LOC400499: variants seen among roughly 807,000 people sequenced by gnomAD.
At chr16:11,509,781 A>G in the LOC400499 span, among the ~76,000 whole-genome samples, 8 of 152,110 alleles carry the variant, frequency 5.3e-5, no homozygotes, top group Non-Finnish European at 7.4e-5. Flanking sequence ...CAGTGAGCTG[A>G]GATCACTCCA....
chr16:11,424,990 C>T, the LOC400499 span: 978 of 397,534 alleles, frequency 2.5e-3, 10 homozygotes, highest in African/African-American at 0.018. Context: ...ACAGGTGTGC[C>T]GGGGAAGCCA....
At chr16:11,473,867 C>A in the LOC400499 span, among the ~76,000 whole-genome samples, 2 of 152,150 alleles carry the variant, frequency 1.3e-5, no homozygotes, top group African/African-American at 4.8e-5. Flanking sequence ...ACCTAGATAG[C>A]TAGCTAGAGA....
At chr16:11,488,719 G>C in the LOC400499 span, 1 of 398,854 alleles carries the variant, frequency 2.5e-6, no homozygotes, top group South Asian at 1.3e-4. Context: ...CTGATCGGAA[G>C]GTGACATCAG....
the LOC400499 span, among the ~76,000 whole-genome samples, chr16:11,498,374 C>T: frequency 7.2e-5 from 11 of 151,970 alleles, no homozygotes; most frequent in African/African-American, 2.7e-4. Flanking sequence ...CCCAGCTACT[C>T]AGGAGGCTGA....
chr16:11,438,728 G>T, the LOC400499 span, among the ~76,000 whole-genome samples: 1 of 151,890 alleles, frequency 6.6e-6, no homozygotes, highest in Non-Finnish European at 1.5e-5. Context: ...GGTCAAGGCT[G>T]AAGTGAGCCA....
the LOC400499 span, among the ~76,000 whole-genome samples, chr16:11,391,180 G>A: frequency 6.6e-6 from 1 of 152,264 alleles, no homozygotes; most frequent in Non-Finnish European, 1.5e-5. Flanking sequence ...CCCTGGCGCT[G>A]GGCAGGGCCT....
chr16:11,456,864 C>T, the LOC400499 span: 1 of 1,536,264 alleles, frequency 6.5e-7, no homozygotes, highest in Non-Finnish European at 8.7e-7. Context: ...CTCACCTTCC[C>T]ACTTCCACAG....
At chr16:11,421,641 T>C in the LOC400499 span, among the ~76,000 whole-genome samples, 1 of 152,170 alleles carries the variant, frequency 6.6e-6, no homozygotes, top group East Asian at 1.9e-4. Flanking sequence ...TGACCTCAAG[T>C]GATCCGCCCA....
At chr16:11,491,092 T>C in the LOC400499 span, among the ~76,000 whole-genome samples, 1 of 152,196 alleles carries the variant, frequency 6.6e-6, no homozygotes, top group Non-Finnish European at 1.5e-5. Flanking sequence ...GCATTATCCC[T>C]ATTTTACAGG....
chr16:11,518,993 T>C, the LOC400499 span: 5 of 398,644 alleles, frequency 1.3e-5, no homozygotes, highest in Admixed American at 4.4e-5. Flanking sequence ...GCACCGTGAG[T>C]TGGTGACCTC....
At chr16:11,382,945 A>AGAT in the LOC400499 span, among the ~76,000 whole-genome samples, 6 of 152,190 alleles carry the variant, frequency 3.9e-5, no homozygotes, top group African/African-American at 1.4e-4. Context: ...CATAAATGAG[A>AGAT]TAATTGGCTC....
At chr16:11,400,467 T>G in the LOC400499 span, among the ~76,000 whole-genome samples, 2 of 148,524 alleles carry the variant, frequency 1.3e-5, no homozygotes, top group Non-Finnish European at 3.0e-5. Flanking sequence ...CTTCTGAGAC[T>G]GTCTCACTCT....
chr16:11,498,390 GAGAATCACTT>G, the LOC400499 span, among the ~76,000 whole-genome samples: 1 of 152,130 alleles, frequency 6.6e-6, no homozygotes, highest in Non-Finnish European at 1.5e-5. Flanking sequence ...GCTGAGGCAC[GAGAATCACTT>G]GAACCCGGGA....
At chr16:11,377,666 G>A in the LOC400499 span, among the ~76,000 whole-genome samples, 2 of 152,154 alleles carry the variant, frequency 1.3e-5, no homozygotes, top group Non-Finnish European at 2.9e-5. Context: ...ACTTGATCAT[G>A]GTGTGTAATC....
chr16:11,501,671 G>C, the LOC400499 span, among the ~76,000 whole-genome samples: 4 of 152,028 alleles, frequency 2.6e-5, no homozygotes, highest in African/African-American at 9.7e-5. Context: ...ACTAGCCCCA[G>C]ATCAGCAAGG....
the LOC400499 span, among the ~76,000 whole-genome samples, chr16:11,401,645 C>A: frequency 6.6e-6 from 1 of 152,204 alleles, no homozygotes; most frequent in Non-Finnish European, 1.5e-5. Context: ...GACTGGAGGT[C>A]GCGCTCCTCC....
At chr16:11,433,761 T>A in the LOC400499 span, among the ~76,000 whole-genome samples, 1 of 152,238 alleles carries the variant, frequency 6.6e-6, no homozygotes, top group African/African-American at 2.4e-5. Context: ...TAGAAATCCC[T>A]GAACCATGGG....
chr16:11,483,423 G>C, the LOC400499 span, among the ~76,000 whole-genome samples: 3 of 152,138 alleles, frequency 2.0e-5, no homozygotes, highest in African/African-American at 7.2e-5. Flanking sequence ...CAGGTGAATG[G>C]AGAAACAAAC....
At chr16:11,385,155 G>A in the LOC400499 span, 1 of 1,230,016 alleles carries the variant, frequency 8.1e-7, no homozygotes. Flanking sequence ...CCTGCCATGG[G>A]CACAGGTCTC....
Sources: allele counts gnomAD v4.1 joint callset (sites outside exome capture counted in the v4.1 genomes callset), GRCh38; gene constraint gnomAD v4.1.1; transcripts MANE v1.5.